The following RNF214 variants were observed in gnomAD, a reference collection of about 807,000 sequenced individuals.
RNF214 encodes the protein ring finger protein 214.
Under a neutral mutation model 75.9 loss-of-function variants are expected in RNF214, and 25 were observed. The observed-to-expected ratio is 0.33, with a 90% CI of 0.24 to 0.46. The LOEUF is 0.46. Among genes scored for constraint, RNF214 ranks in the 20% least tolerant of loss-of-function variants. The pLI, the probability that RNF214 is intolerant of heterozygous loss-of-function variation, is 1.00. For synonymous variants in RNF214, 314 were observed against 308.8 expected (o/e 1.02, Z -0.18); for missense variants, 725 against 857.5 (o/e 0.85, Z 1.93).
At chr11:117,277,495 C>T (rs533406205) in intron 6 of RNF214, among the ~76,000 whole-genome samples, 71 of 152,290 alleles carry the variant, frequency 4.7e-4, no homozygotes, top group African/African-American at 1.7e-3. Flanking sequence ...GTGTAACACA[C>T]ACACACACAC....
chr11:117,245,496 C>G (rs542393395), intron 5 of RNF214, among the ~76,000 whole-genome samples: 1 of 151,510 alleles, frequency 6.6e-6, no homozygotes, highest in Non-Finnish European at 1.5e-5. Flanking sequence ...CCCGCCACTA[C>G]GCCCGGCTAA....
At chr11:117,271,335 TCTCTTATTTAGCAACAATGCCAG>T (rs1341045169) in intron 6 of RNF214, among the ~76,000 whole-genome samples, 2 of 152,204 alleles carry the variant, frequency 1.3e-5, no homozygotes, top group African/African-American at 4.8e-5. Context: ...CCCGTTTTTG[TCTCTTATTTAGCAACAATGCCAG>T]CTCTGTTTGC....
chr11:117,271,106 C>T (rs188961375), intron 6 of RNF214, among the ~76,000 whole-genome samples: 31 of 151,826 alleles, frequency 2.0e-4, no homozygotes, highest in African/African-American at 7.5e-4. Context: ...TGCCATGTTG[C>T]CCAGTCTGGT....
chr11:117,247,649 G>A (rs1361485535), intron 6 of RNF214, among the ~76,000 whole-genome samples: 1 of 151,994 alleles, frequency 6.6e-6, no homozygotes, highest in African/African-American at 2.4e-5. Flanking sequence ...TCAGGAGATC[G>A]AGACCATCCT....
chr11:117,247,728 G>A (rs775383733), intron 6 of RNF214, among the ~76,000 whole-genome samples: 40 of 152,034 alleles, frequency 2.6e-4, no homozygotes, highest in Admixed American at 9.2e-4. Flanking sequence ...GCGTGCACCT[G>A]TAGTCTCAGC....
chr11:117,244,479 A>G lies in RNF214; in HGVS notation c.713A>G (p.Glu238Gly), dbSNP rs766804789. 1.1e-5 allele frequency: 17 copies of G among 1,612,636 alleles called. No homozygotes were observed. The South Asian group carries it at 1.9e-4, about 18-fold the overall frequency. The change falls in exon 5 of 15, where the codon GAG becomes GGG. Residue 238 changes from glutamate (E) to glycine (G), a missense_variant. Around this residue, in one of 2 missense-constraint regions of RNF214, gnomAD observed 362 missense variants for 344.5 expected, o/e 1.05. Coordinates refer to ENST00000300650, the MANE Select transcript of RNF214 (RefSeq NM_207343.4). ...KMMTERTLLK[E>G]RYQEVLDKQR... The stretch of plus-strand genomic sequence containing the variant: ...ATGACAGAGAGAACCCTGTTGAAAG[A>G]GCGTTACCAGGAGGTCCTGGACAAA...
Position 117,285,255 on chromosome 11 carries a change from C to T in RNF214, c.*104C>T. 2 of 754,538 alleles carry T rather than the reference C, an allele frequency of 2.7e-6. No homozygotes were observed. Among genetic ancestry groups the T allele is most frequent in the South Asian group, 3.2e-5 (2 of 62,746 alleles). 46.7% of individuals were successfully genotyped at this position (754,538 alleles called of 1,614,324 possible). On this transcript the variant is annotated 3_prime_UTR_variant, in exon 15 of 15. Transcript: ENST00000300650. The stretch of plus-strand genomic sequence containing the variant: ...TTTATACAGTGACATATACTCATGC[C>T]ATGTACATTTTTATTATATAGGTAA...
chr11:117,246,250 T>C (rs1161253401), intron 5 of RNF214, among the ~76,000 whole-genome samples: 1 of 151,630 alleles, frequency 6.6e-6, no homozygotes, highest in Non-Finnish European at 1.5e-5. Flanking sequence ...AGGCATGAGC[T>C]ACTGTGCCTG....
chr11:117,261,111 T>A (rs535126475), intron 6 of RNF214, among the ~76,000 whole-genome samples: 37 of 152,292 alleles, frequency 2.4e-4, no homozygotes, highest in African/African-American at 8.7e-4. Context: ...ATCTTTGCCT[T>A]GTTCCTGCTC....
In RNF214 at chr11:117,282,471, G is replaced by T; in HGVS notation, c.1780G>T (p.Glu594Ter). ...ARTTMAGLTMEELIQLVAARL... is the reference protein window; with the variant it reads ...ARTTMAGLTM ...TACCACCATGGCAGGCCTGACCATG[G>T]AGGAACTTATCCAGTTGGTTGCTGC... Residue 594 changes from glutamate to a stop codon, truncating the protein, a stop_gained, in exon 12 of 15, where the codon GAG (glutamate) becomes TAG (stop). Coordinates refer to ENST00000300650, the MANE Select transcript of RNF214 (RefSeq NM_207343.4). LOFTEE classifies it high-confidence loss of function. 6.2e-7 allele frequency: 1 copy of T among 1,614,212 alleles called. No homozygotes were observed. The highest frequency in any genetic ancestry group is 8.5e-7 in the Non-Finnish European group (1 of 1,180,036).
chr11:117,274,529 AT>A (rs1346241047), intron 6 of RNF214, among the ~76,000 whole-genome samples: 3 of 146,412 alleles, frequency 2.0e-5, no homozygotes, highest in African/African-American at 2.5e-5. Flanking sequence ...CACTCGGCTA[AT>A]TTTTTTTTTG....
In RNF214 at chr11:117,239,838, A is replaced by T. The variant is rs763740560; in HGVS notation, c.656A>T (p.Asp219Val). 32 of 1,561,702 alleles carry T rather than the reference A, an allele frequency of 2.0e-5. No individual in the cohort carries two copies. Among genetic ancestry groups the T allele is most frequent in the Non-Finnish European group, 1.5e-5 (17 of 1,132,672 alleles). Residue 219 changes from aspartate (D) to valine (V), a missense_variant, in exon 4 of 15, where the codon GAT becomes GTT. By Grantham distance (152) the Asp-to-Val change is radical. This residue lies in a region of RNF214 where 362 missense variants were observed against 344.5 expected (regional missense o/e 1.05). Transcript: ENST00000300650. The stretch of plus-strand genomic sequence containing the variant: ...ACAGCTGATTCAGAGGTAAACACAG[A>T]TCAAGATATTGAAAAGAATTTGGTA... ...FKTADSEVNT[D>V]QDIEKNLDKM...
In RNF214 at chr11:117,240,011, G is replaced by C. The variant is rs74783853; in HGVS notation, c.678+151G>C. 4,745 of 584,152 alleles carry C rather than the reference G, an allele frequency of 8.1e-3. 187 individuals are homozygous for C. The highest frequency in any genetic ancestry group is 0.079 in the African/African-American group (4,186 of 52,662). The allele number at this position is 584,152 out of a possible 1,614,324, so 36.2% of individuals were successfully genotyped here. A position where few individuals can be genotyped will look rare whatever the true frequency, so the allele number is the denominator to read the frequency against. On this transcript the variant is annotated intron_variant, in intron 4 of 14. Coordinates refer to ENST00000300650, the MANE Select transcript of RNF214 (RefSeq NM_207343.4). ...CTTTTCCTTGATCACTTCCAAAGAT[G>C]GGAAGCTTACTACCTCACAAAGCAA...
rs559137886 is a variant in RNF214 at position 117,262,075 on chromosome 11, C to CT, written c.959+15138dup. ...TTTTTTTTCAGTTTGTTTGGTTTTT[C>CT]TTTTTTTTTTTGAGATACGAGTCTG... On this transcript the variant is annotated intron_variant, in intron 6 of 14. Transcript: ENST00000300650. Among the ~76,000 whole-genome samples, 326 of 135,538 alleles carry CT rather than the reference C, an allele frequency of 2.4e-3. 3 individuals are homozygous for CT. Among genetic ancestry groups the CT allele is most frequent in the South Asian group, 7.4e-3 (31 of 4,186 alleles). The allele number at this position is 135,538 out of a possible 152,430, so 88.9% of individuals were successfully genotyped here.
chr11:117,285,130 C>G lies in RNF214; in HGVS notation c.2091C>G (p.Pro697=). The change falls in exon 15 of 15, where the codon CCC becomes CCG. Residue 697 remains proline, a synonymous_variant. Transcript: ENST00000300650. ...AGACCAACACAAATGACACTTGTCC[C>G]TTTTGTCCAACTCTTAAATGACGGA... The part of the protein sequence containing the change: ...WAQTNTNDTC[P]FCPTLK 6.2e-7 allele frequency: 1 copy of G among 1,612,578 alleles called. No individual in the cohort carries two copies. The highest frequency in any genetic ancestry group is 8.5e-7 in the Non-Finnish European group (1 of 1,178,722).
At position 117,285,250 on chromosome 11, in the gene RNF214, C is replaced by T. The variant is rs1213768316; in HGVS notation, c.*99C>T. The T allele has an allele frequency of 1.3e-6, 1 of 777,074 alleles. No individual in the cohort carries two copies. The highest frequency in any genetic ancestry group is 2.2e-6 in the Non-Finnish European group (1 of 445,348). 48.1% of individuals were successfully genotyped at this position (777,074 alleles called of 1,614,324 possible). ...CTATATTTATACAGTGACATATACT[C>T]ATGCCATGTACATTTTTATTATATA... is the stretch of plus-strand genomic sequence containing the variant. On this transcript the variant is annotated 3_prime_UTR_variant, in exon 15 of 15. Transcript: ENST00000300650.
At chr11:117,259,208 C>T (rs528165952) in intron 6 of RNF214, among the ~76,000 whole-genome samples, 29 of 152,294 alleles carry the variant, frequency 1.9e-4, no homozygotes, top group African/African-American at 6.0e-4. Context: ...CTGCCTGCCT[C>T]GGCCTCCCAA....
chr11:117,237,192 A>G (rs2032934000), intron 2 of RNF214, among the ~76,000 whole-genome samples: 1 of 152,078 alleles, frequency 6.6e-6, no homozygotes, highest in Non-Finnish European at 1.5e-5. Context: ...CAGTCCTCTC[A>G]CTTCAGCCTC....
intron 4 of RNF214, among the ~76,000 whole-genome samples, chr11:117,240,741 C>T (rs192463280): frequency 2.9e-4 from 44 of 151,028 alleles, no homozygotes; most frequent in Admixed American, 1.1e-3. Context: ...AGATAAAAAC[C>T]TTATAACTTC....
Sources: allele counts gnomAD v4.1 joint callset (sites outside exome capture counted in the v4.1 genomes callset), GRCh38; gene constraint gnomAD v4.1.1; regional missense constraint gnomAD v4.1.1; transcripts MANE v1.5; gene names NCBI Gene and HGNC (gene_info 2026-07-23, HGNC 2026-07-21).